PSME4: variants seen among roughly 807,000 people sequenced by gnomAD.
The protein encoded by PSME4 is proteasome activator subunit 4, also known as proteasome activator complex subunit 4.
In PSME4, 89 loss-of-function variants were observed where a neutral mutation model predicts 253.9. The observed-to-expected ratio is 0.35, with a 90% CI of 0.30 to 0.42. The LOEUF is 0.42. PSME4 is among the 10% of genes least tolerant of loss of function. The pLI is 1.00. For synonymous variants in PSME4, 851 were observed against 759.2 expected (o/e 1.12, Z -1.99); for missense variants, 2,014 against 2,195.2 (o/e 0.92, Z 1.65).
rs1382589380 is a variant in PSME4, at chr2:53,898,302, G to T, written c.3475C>A (p.Leu1159Met). ...TLLDGVEQRN[L>M]PWKFEHIGIG... ...ATTACAAAAATCTTTTGCACTTACA[G>T]GTTTCTTTGCTCCACACCATCTAGC... is the stretch of plus-strand genomic sequence containing the variant. The change falls in exon 30 of 47, where the codon CTG becomes ATG. Residue 1159 changes from leucine (L) to methionine (M), a missense_variant and splice_region_variant. Physicochemically the swap from Leu to Met is conservative, Grantham distance 15. This residue lies in a region of PSME4 where 989 missense variants were observed against 1,021.1 expected (regional missense o/e 0.97). Transcript: ENST00000404125. 65 of 1,602,936 alleles carry T rather than the reference G, an allele frequency of 4.1e-5. No individual in the cohort carries two copies. Among genetic ancestry groups the T allele is most frequent in the Non-Finnish European group, 5.5e-5 (65 of 1,175,884 alleles).
At chr2:53,919,037 T>C (rs149377631) in intron 20 of PSME4, 114 bp downstream of exon 20, 3 of 1,049,086 alleles carry the variant, frequency 2.9e-6, no homozygotes, top group Non-Finnish European at 4.1e-6. Flanking sequence ...CAGTGACAAA[T>C]AAAAAGGTTA....
chr2:53,948,591 G>A (rs1669831945), intron 2 of PSME4, 54 bp from the exon 3 acceptor site: 4 of 1,086,588 alleles, frequency 3.7e-6, no homozygotes, highest in Middle Eastern at 4.9e-4. Flanking sequence ...ACAGATGTGT[G>A]TATACCACAA....
intron 17 of PSME4, 54 bp downstream of exon 17, chr2:53,922,463 A>C: frequency 3.2e-6 from 5 of 1,574,268 alleles, no homozygotes; most frequent in Non-Finnish European, 4.3e-6. Context: ...CTAAATCCTA[A>C]AAGCAAGTCA....
rs1396558192 is a variant in PSME4, at chr2:53,937,404, G to A, written c.682C>T (p.His228Tyr). 1 of 1,597,746 alleles carries A rather than the reference G, an allele frequency of 6.3e-7. No individual in the cohort carries two copies. Among genetic ancestry groups the A allele is most frequent in the South Asian group, 1.1e-5 (1 of 88,812 alleles). The change falls in exon 5 of 47, where the codon CAT (histidine) becomes TAT (tyrosine). Residue 228 changes from histidine (H) to tyrosine (Y), a missense_variant. His to Tyr is a moderately conservative substitution (Grantham distance 83, BLOSUM62 2). Around this residue, in one of 4 missense-constraint regions of PSME4, gnomAD observed 615 missense variants for 594.4 expected, o/e 1.03. Transcript: ENST00000404125. ...GAACATACTTACTTAAAACCTTTAT[G>A]ATGAAGTTCTGGAGGAAGGGAGGTA... ...LPTSLPPELH[H>Y]KGFKLWFDEL...
chr2:53,890,997 A>G (rs144376124), intron 36 of PSME4, among the ~76,000 whole-genome samples: 1 of 152,308 alleles, frequency 6.6e-6, no homozygotes, highest in African/African-American at 2.4e-5. Flanking sequence ...ACTGCATTCC[A>G]GCCTAAGCAA....
At chr2:53,901,323 C>T in intron 28 of PSME4, 27 bp downstream of exon 28, 3 of 1,565,490 alleles carry the variant, frequency 1.9e-6, no homozygotes, top group Non-Finnish European at 2.6e-6. Flanking sequence ...TACACTAAAA[C>T]TTGAATGAAA....
At chr2:53,952,490 C>T (rs1670045579) in intron 1 of PSME4, among the ~76,000 whole-genome samples, 1 of 152,104 alleles carries the variant, frequency 6.6e-6, no homozygotes, top group Non-Finnish European at 1.5e-5. Context: ...TGCAGCTGAG[C>T]CGAGATGGTG....
rs770477177 is a variant in PSME4 at position 53,869,408 on chromosome 2, G to C, written c.5231C>G (p.Pro1744Arg). The change falls in exon 44 of 47, where the codon CCT (proline) becomes CGT (arginine). Residue 1744 changes from proline to arginine, a missense_variant. Physicochemically the swap from Pro to Arg is moderately radical, Grantham distance 103. Around this residue, in one of 4 missense-constraint regions of PSME4, gnomAD observed 403 missense variants for 556.1 expected, o/e 0.72. Transcript: ENST00000404125. ...TKLPKKRKRDPGSVGDTIPSA... is the reference protein window; with the variant it reads ...TKLPKKRKRDRGSVGDTIPSA... ...AGGAATGGTATCTCCTACAGAACCAGGGTCTCGCTTTCTTTTCTTAGGTAG... is the reference window on the plus strand; with the variant it reads ...AGGAATGGTATCTCCTACAGAACCACGGTCTCGCTTTCTTTTCTTAGGTAG... 36 of 1,611,114 alleles carry C rather than the reference G, an allele frequency of 2.2e-5. No homozygotes were observed. The South Asian group carries it at 3.9e-4, about 17-fold the overall frequency.
rs1020465320 is a variant in PSME4 at position 53,944,163 on chromosome 2, AT to A, written c.501-4164del. Among the ~76,000 whole-genome samples, 1,458 of 147,788 alleles carry A rather than the reference AT, an allele frequency of 9.9e-3. 19 individuals carry two copies. The highest frequency in any genetic ancestry group is 0.034 in the African/African-American group (1,360 of 40,526). Reference sequence around the variant, plus strand: ...CAAAATCATTAATAAAATCTGGTAAATTTTTTTTTTTTGAGATGGGTGTCTG... The same window carrying A: ...CAAAATCATTAATAAAATCTGGTAAATTTTTTTTTTTGAGATGGGTGTCTG... On this transcript the variant is annotated intron_variant, in intron 3 of 46. Transcript: ENST00000404125.
At chr2:53,890,660 C>T (rs1679862504) in intron 36 of PSME4, among the ~76,000 whole-genome samples, 1 of 152,146 alleles carries the variant, frequency 6.6e-6, no homozygotes, top group Admixed American at 6.6e-5. Context: ...TATCACCATA[C>T]ATATCCAGGT....
chr2:53,924,624 CTTTT>C (rs566648170), intron 14 of PSME4, among the ~76,000 whole-genome samples: 3 of 151,524 alleles, frequency 2.0e-5, no homozygotes, highest in African/African-American at 4.8e-5. Context: ...ACAGTTGTTT[CTTTT>C]TTTTATTTAT....
chr2:53,969,388 G>A (rs568367991), intron 1 of PSME4, among the ~76,000 whole-genome samples: 1 of 152,118 alleles, frequency 6.6e-6, no homozygotes, highest in South Asian at 2.1e-4. Context: ...ATTTGTCAGA[G>A]GCCCCTTAAT....
chr2:53,868,626 C>A (rs1191786634), intron 44 of PSME4, among the ~76,000 whole-genome samples: 4 of 134,970 alleles, frequency 3.0e-5, no homozygotes, highest in Non-Finnish European at 6.2e-5. Context: ...TATATATATC[C>A]CAAAAAGCAA....
chr2:53,866,960 C>G (rs981247649), intron 44 of PSME4, 80 bp from the exon 45 acceptor site: 1 of 1,372,320 alleles, frequency 7.3e-7, no homozygotes, highest in African/African-American at 1.5e-5. Context: ...AATTAGTTTT[C>G]AATTGTGTTG....
intron 24 of PSME4, among the ~76,000 whole-genome samples, chr2:53,907,738 GT>G (rs1239674698): frequency 6.6e-6 from 1 of 152,128 alleles, no homozygotes; most frequent in Non-Finnish European, 1.5e-5. Context: ...AGCATGCCAT[GT>G]TTTTATATCT....
In PSME4 at chr2:53,967,649, C is replaced by CAAAAAAAAAAA. The variant is rs71408747; in HGVS notation, c.242+2883_242+2893dup. Among the ~76,000 whole-genome samples, 45 of 21,554 alleles carry CAAAAAAAAAAA rather than the reference C, an allele frequency of 2.1e-3. 1 individual carries two copies. Among genetic ancestry groups the CAAAAAAAAAAA allele is most frequent in the South Asian group, 9.5e-3 (2 of 210 alleles). 14.1% of individuals were successfully genotyped at this position (21,554 alleles called of 152,430 possible). A position where few individuals can be genotyped will look rare whatever the true frequency, so the allele number is the denominator to read the frequency against. On this transcript the variant is annotated intron_variant, in intron 1 of 46. Transcript: ENST00000404125. Reference sequence around the variant, plus strand: ...TCTGGGCAACAGAGTGAGATTGTCTCAAAAAAAAAAAAAAAAAAAAAAAAA... The same window carrying CAAAAAAAAAAA: ...TCTGGGCAACAGAGTGAGATTGTCTCAAAAAAAAAAAAAAAAAAAAAAAAAAAAAAAAAAAA...
chr2:53,890,045 G>A (rs1382626346), intron 37 of PSME4, 59 bp downstream of exon 37: 1 of 1,265,086 alleles, frequency 7.9e-7, no homozygotes, highest in East Asian at 2.3e-5. Flanking sequence ...CACTTTGAGA[G>A]ACAGTATCAA....
intron 7 of PSME4, among the ~76,000 whole-genome samples, chr2:53,935,133 T>G (rs1438210693): frequency 1.3e-5 from 2 of 152,222 alleles, no homozygotes; most frequent in Non-Finnish European, 2.9e-5. Flanking sequence ...AGCACCAACC[T>G]AAATGCAAGT....
In PSME4 at chr2:53,887,308, T is replaced by C. The variant is rs761781984; in HGVS notation, c.4680A>G (p.Gly1560=). Residue 1560 remains glycine, a synonymous_variant, in exon 40 of 47, where the codon GGA becomes GGG. Transcript: ENST00000404125. ...GAGTTCGCTCATCTTCTTCACCAAT[T>C]CCATTTTCTTCCATAACATGGTTCT... ...EIQNHVMEEN[G]IGEEDERTQG... 6 of 1,613,932 alleles carry C rather than the reference T, an allele frequency of 3.7e-6. No individual in the cohort carries two copies. The highest frequency in any genetic ancestry group is 5.1e-6 in the Non-Finnish European group (6 of 1,179,956).
Sources: gnomAD v4.1 joint callset for allele counts (sites outside exome capture counted in the v4.1 genomes callset) on GRCh38, gnomAD v4.1.1 for gene constraint, gnomAD v4.1.1 regional missense constraint, MANE v1.5 for transcripts, NCBI Gene and HGNC (gene_info 2026-07-23, HGNC 2026-07-21) for gene names.